SI: variants seen among roughly 807,000 people sequenced by gnomAD.
SI encodes sucrase-isomaltase, intestinal.
A neutral mutation model predicts 253.3 loss-of-function variants in SI; 235 were observed. The ratio of observed to expected loss-of-function variants is 0.93; its 90% CI spans 0.83 to 1.03. The LOEUF is 1.03. Ranked by LOEUF, SI falls within the 50% of genes least tolerant of loss-of-function variation. SI has a pLI of 0.00. For synonymous variants in SI, 819 were observed against 712.0 expected (o/e 1.15, Z -2.39); for missense variants, 2,442 against 2,211.1 (o/e 1.10, Z -2.09).
rs763883529 is a variant in SI at position 165,046,989 on chromosome 3, T to C, written c.1739A>G (p.Asn580Ser). The C allele has an allele frequency of 1.2e-6, 2 of 1,609,038 alleles. No individual in the cohort carries two copies. The highest frequency in any genetic ancestry group is 2.2e-5 in the South Asian group (2 of 89,886). The part of the protein sequence containing the change: ...TEQAVQKVFP[N>S]KRSFILTRST... Reference sequence around the variant, plus strand: ...GCGGGTAAGAATGAAGCTTCTCTTATTAGGAAAAACTTTTTGTACAGCTCT... The same window carrying C: ...GCGGGTAAGAATGAAGCTTCTCTTACTAGGAAAAACTTTTTGTACAGCTCT... Residue 580 changes from asparagine to serine, a missense_variant, in exon 16 of 48, where the codon AAT becomes AGT. By Grantham distance (46) the Asn-to-Ser change is conservative. Coordinates refer to ENST00000264382, the MANE Select transcript of SI (RefSeq NM_001041.4).
At chr3:165,069,709 T>C (rs887926933) in intron 3 of SI, among the ~76,000 whole-genome samples, 4 of 152,172 alleles carry the variant, frequency 2.6e-5, no homozygotes, top group African/African-American at 9.6e-5. Context: ...GTATCACAAG[T>C]AGTTGCTGCA....
intron 9 of SI, among the ~76,000 whole-genome samples, chr3:165,060,960 G>A (rs544476242): frequency 6.7e-6 from 1 of 150,050 alleles, no homozygotes; most frequent in East Asian, 2.0e-4. Flanking sequence ...TACTCATGTT[G>A]GGTTATTGTT....
chr3:165,023,435 A>T, intron 26 of SI, 135 bp downstream of exon 26: 1 of 691,890 alleles, frequency 1.4e-6, no homozygotes. Flanking sequence ...GTAGGAAAAA[A>T]TATTTTTATA....
intron 31 of SI, 148 bp downstream of exon 31, chr3:165,017,400 T>C (rs768401416): frequency 4.2e-5 from 29 of 686,734 alleles, no homozygotes; most frequent in Non-Finnish European, 6.8e-5. Context: ...AGACACTGTT[T>C]ATAAATCTCA....
chr3:165,056,880 C>A (rs545050347), intron 12 of SI, among the ~76,000 whole-genome samples: 2 of 152,120 alleles, frequency 1.3e-5, no homozygotes, highest in African/African-American at 4.8e-5. Context: ...CAAAAACAAG[C>A]CTAGACTGTG....
At chr3:164,992,601 C>G (rs377361574) in intron 41 of SI, among the ~76,000 whole-genome samples, 4 of 151,774 alleles carry the variant, frequency 2.6e-5, no homozygotes, top group African/African-American at 9.7e-5. Flanking sequence ...TAAATCTAGA[C>G]TATGACTAAA....
chr3:165,067,206 G>A (rs1361105737), intron 6 of SI, 134 bp downstream of exon 6: 26 of 629,694 alleles, frequency 4.1e-5, no homozygotes, highest in South Asian at 1.9e-4. Flanking sequence ...CTTTATCACC[G>A]TAATTTTTAT....
chr3:165,086,264 G>T, the SI span, among the ~76,000 whole-genome samples: 1 of 151,846 alleles, frequency 6.6e-6, no homozygotes, highest in Non-Finnish European at 1.5e-5. Flanking sequence ...CAAAAAAAAA[G>T]AAATCCTAAT....
intron 25 of SI, among the ~76,000 whole-genome samples, chr3:165,024,989 T>C (rs773452384): frequency 2.6e-5 from 4 of 151,266 alleles, no homozygotes; most frequent in African/African-American, 7.3e-5. Context: ...GCATAGTTGA[T>C]CATTTCTTCC....
At chr3:164,984,057 G>A (rs555450766) in intron 45 of SI, among the ~76,000 whole-genome samples, 202 of 152,086 alleles carry the variant, frequency 1.3e-3, no homozygotes, top group Non-Finnish European at 2.2e-3. Flanking sequence ...GACTTTCAAA[G>A]CAGTTAAATA....
intron 27 of SI, among the ~76,000 whole-genome samples, chr3:165,020,739 C>A (rs1447445414): frequency 2.0e-5 from 3 of 151,282 alleles, no homozygotes; most frequent in Non-Finnish European, 4.4e-5. Context: ...ATAAAGACTA[C>A]AATTTTAAAA....
intron 22 of SI, among the ~76,000 whole-genome samples, chr3:165,035,990 A>G (rs1712510223): frequency 6.6e-6 from 1 of 151,866 alleles, no homozygotes; most frequent in Non-Finnish European, 1.5e-5. Flanking sequence ...TTGACATTAA[A>G]TAACTAAATC....
chr3:164,993,977 C>A (rs897301151), intron 41 of SI, among the ~76,000 whole-genome samples: 60 of 151,738 alleles, frequency 4.0e-4, no homozygotes, highest in African/African-American at 1.4e-3. Context: ...AGCACATATA[C>A]AAAGCATGTA....
At chr3:165,003,021 C>G (rs1169385529) in intron 37 of SI, among the ~76,000 whole-genome samples, 1 of 151,800 alleles carries the variant, frequency 6.6e-6, no homozygotes, top group Non-Finnish European at 1.5e-5. Context: ...TGGAAATGGA[C>G]TTTACATACG....
At chr3:165,015,357 C>T in intron 32 of SI, 124 bp from the exon 33 acceptor site, 1 of 711,828 alleles carries the variant, frequency 1.4e-6, no homozygotes, top group Non-Finnish European at 2.5e-6. Context: ...CATTAAATGA[C>T]AAATGATACA....
At chr3:165,001,983 T>C (rs1576878166) in intron 37 of SI, among the ~76,000 whole-genome samples, 1 of 151,560 alleles carries the variant, frequency 6.6e-6, no homozygotes, top group African/African-American at 2.4e-5. Context: ...TTCCATTCCA[T>C]TTTATGATTA....
intron 6 of SI, among the ~76,000 whole-genome samples, 175 bp from the exon 7 acceptor site, chr3:165,065,607 G>T (rs778235873): frequency 8.0e-5 from 12 of 149,966 alleles, no homozygotes; most frequent in Non-Finnish European, 1.3e-4. Context: ...CCCCATAAAA[G>T]AAATTTGTTC....
chr3:165,012,632 A>G (rs923065629), intron 34 of SI, among the ~76,000 whole-genome samples: 4 of 151,976 alleles, frequency 2.6e-5, no homozygotes, highest in South Asian at 2.1e-4. Context: ...GAGTTTCACC[A>G]TGTTAGCCAG....
intron 18 of SI, 86 bp from the exon 19 acceptor site, chr3:165,040,057 TC>T: frequency 9.6e-7 from 1 of 1,045,534 alleles, no homozygotes; most frequent in East Asian, 2.4e-5. Flanking sequence ...TTCAGTTTTT[TC>T]CTGGGAATTG....
Sources: allele counts gnomAD v4.1 joint callset (sites outside exome capture counted in the v4.1 genomes callset), GRCh38; gene constraint gnomAD v4.1.1; transcripts MANE v1.5; gene names NCBI Gene and HGNC (gene_info 2026-07-23, HGNC 2026-07-21).